Variants in GUCY1A2 observed in about 807,000 individuals in gnomAD.
GUCY1A2 encodes guanylate cyclase 1 soluble subunit alpha 2.
GUCY1A2 carries 27 observed loss-of-function variants against 63.5 expected under a neutral mutation model. The ratio of observed to expected loss-of-function variants is 0.43; its 90% CI spans 0.31 to 0.59. The LOEUF (loss-of-function observed/expected upper bound fraction) is 0.59. Ranked by LOEUF, GUCY1A2 falls within the 20% of genes least tolerant of loss-of-function variation. GUCY1A2 has a pLI of 0.11. For synonymous variants in GUCY1A2, 364 were observed against 343.5 expected, an observed-to-expected ratio of 1.06 and a Z score of -0.66; for missense variants, 768 against 913.3, an observed-to-expected ratio of 0.84 and a Z score of 2.05.
intron 5 of GUCY1A2, among the ~76,000 whole-genome samples, chr11:106,789,452 G>C (rs571975877): frequency 6.6e-6 from 1 of 152,118 alleles, no homozygotes; most frequent in Non-Finnish European, 1.5e-5. Context: ...CTGTCTGAAA[G>C]GTCACATATC....
intron 6 of GUCY1A2, among the ~76,000 whole-genome samples, chr11:106,717,922 AG>A (rs1260369920): frequency 3.9e-5 from 6 of 152,180 alleles, no homozygotes; most frequent in African/African-American, 1.4e-4. Flanking sequence ...AAATTTTGAA[AG>A]CTCAAGATTC....
chr11:106,851,826 C>A (rs762850635), intron 4 of GUCY1A2, among the ~76,000 whole-genome samples: 15 of 151,768 alleles, frequency 9.9e-5, no homozygotes, highest in African/African-American at 3.6e-4. Flanking sequence ...ATTTCTTTCG[C>A]AATTAGGGTC....
chr11:107,002,177 T>A (rs1405307722), intron 1 of GUCY1A2, among the ~76,000 whole-genome samples: 1 of 152,140 alleles, frequency 6.6e-6, no homozygotes, highest in African/African-American at 2.4e-5. Context: ...TTTGATGACA[T>A]ATGTCCTATT....
chr11:106,911,698 AT>A (rs749668839), intron 4 of GUCY1A2, among the ~76,000 whole-genome samples: 2 of 152,072 alleles, frequency 1.3e-5, no homozygotes, highest in Non-Finnish European at 2.9e-5. Context: ...GAAGAACCTT[AT>A]TTTTGTGTGT....
chr11:106,836,298 T>C (rs1003836166), intron 4 of GUCY1A2, among the ~76,000 whole-genome samples: 3 of 151,990 alleles, frequency 2.0e-5, no homozygotes, highest in African/African-American at 4.8e-5. Context: ...TTGTATTTTA[T>C]ATTATGTATT....
At chr11:106,853,845 G>A (rs1036663966) in intron 4 of GUCY1A2, among the ~76,000 whole-genome samples, 4 of 152,106 alleles carry the variant, frequency 2.6e-5, no homozygotes, top group African/African-American at 9.7e-5. Context: ...TGTTCAGTAG[G>A]GTGTTTTGGC....
At chr11:106,759,699 C>T (rs1259040049) in intron 6 of GUCY1A2, among the ~76,000 whole-genome samples, 1 of 152,124 alleles carries the variant, frequency 6.6e-6, no homozygotes, top group Non-Finnish European at 1.5e-5. Flanking sequence ...TTTGGGAGGC[C>T]GAGGTGGGCA....
At chr11:106,881,525 A>C (rs2135471726) in intron 4 of GUCY1A2, among the ~76,000 whole-genome samples, 1 of 152,144 alleles carries the variant, frequency 6.6e-6, no homozygotes, top group South Asian at 2.1e-4. Context: ...TACATATGAA[A>C]GTCTGCCTTA....
At chr11:106,924,647 G>A (rs528879986) in intron 4 of GUCY1A2, among the ~76,000 whole-genome samples, 9 of 152,208 alleles carry the variant, frequency 5.9e-5, no homozygotes, top group Non-Finnish European at 7.4e-5. Context: ...TATTTGCAAC[G>A]GGAGTCAAAT....
rs1862487106 is a variant in GUCY1A2 at position 106,684,417 on chromosome 11, C to T, written c.*3132G>A. On this transcript the variant is annotated 3_prime_UTR_variant, in exon 8 of 8. Transcript: ENST00000526355. ...GTTATATAGACAAGAGATCCAACTA[C>T]TATGTTTCTGAAGCATATTATTATT... 1 of 192,078 alleles carries T rather than the reference C, an allele frequency of 5.2e-6. No individual in the cohort carries two copies. Among genetic ancestry groups the T allele is most frequent in the South Asian group, 1.9e-4 (1 of 5,162 alleles). 11.9% of individuals were successfully genotyped at this position (192,078 alleles called of 1,614,324 possible).
intron 6 of GUCY1A2, among the ~76,000 whole-genome samples, chr11:106,713,928 G>A (rs1863170425): frequency 6.6e-6 from 1 of 151,714 alleles, no homozygotes; most frequent in African/African-American, 2.4e-5. Context: ...GTCCGTTTGA[G>A]ATTCTAATTA....
intron 4 of GUCY1A2, among the ~76,000 whole-genome samples, chr11:106,902,710 AT>A (rs994511062): frequency 6.6e-6 from 1 of 152,182 alleles, no homozygotes; most frequent in Non-Finnish European, 1.5e-5. Context: ...GTCTGAAAAT[AT>A]TTTTTAAAAA....
Position 106,939,829 on chromosome 11 carries a change from A to G in GUCY1A2, c.837T>C (p.Asp279=). Residue 279 remains aspartate (D), a synonymous_variant, in exon 4 of 8, where the codon GAT becomes GAC. Coordinates refer to ENST00000526355, the MANE Select transcript of GUCY1A2 (RefSeq NM_000855.3). The part of the protein sequence containing the change: ...EQVANEKLCS[D]VSNPGNCSCL... ...AGCTACAATTGCCTGGGTTTGAAACATCAGAGCATAGCTTCTCATTTGCAA... is the reference window on the plus strand; with the variant it reads ...AGCTACAATTGCCTGGGTTTGAAACGTCAGAGCATAGCTTCTCATTTGCAA... 6.2e-7 allele frequency: 1 copy of G among 1,613,828 alleles called. No homozygotes were observed.
At chr11:106,922,396 A>C (rs72990360) in intron 4 of GUCY1A2, among the ~76,000 whole-genome samples, 1 of 151,730 alleles carries the variant, frequency 6.6e-6, no homozygotes, top group Non-Finnish European at 1.5e-5. Flanking sequence ...GATGGATAGG[A>C]TATAATTCAT....
intron 6 of GUCY1A2, among the ~76,000 whole-genome samples, chr11:106,733,755 C>T (rs761908425): frequency 2.2e-4 from 33 of 152,062 alleles, no homozygotes; most frequent in Admixed American, 1.8e-3. Context: ...ACAGGGAATA[C>T]AGCCCTCAAC....
rs965093350 is a variant in GUCY1A2 at position 106,825,997 on chromosome 11, G to A, written c.1207-15519C>T. Among the ~76,000 whole-genome samples the A allele has an allele frequency of 4.6e-5, 7 of 151,960 alleles. No individual in the cohort carries two copies. In the South Asian group the frequency reaches 6.2e-4, roughly 13 times the overall value. ...TCTCTATTTAAAGTAAAATACAACC[G>A]ATTTTAAAGTTCCTGAAACCACAGC... On this transcript the variant is annotated intron_variant, in intron 4 of 7. Transcript: ENST00000526355.
chr11:106,868,617 A>C (rs1859628695), intron 4 of GUCY1A2, among the ~76,000 whole-genome samples: 1 of 152,190 alleles, frequency 6.6e-6, no homozygotes, highest in Non-Finnish European at 1.5e-5. Flanking sequence ...GGACACAAAC[A>C]AATGGAAGAA....
intron 4 of GUCY1A2, among the ~76,000 whole-genome samples, chr11:106,852,680 A>C (rs1052783793): frequency 4.6e-5 from 7 of 152,094 alleles, no homozygotes; most frequent in African/African-American, 1.7e-4. Context: ...GTAAATGATC[A>C]TTTTGATGTG....
chr11:107,004,013 T>C (rs570027994), intron 1 of GUCY1A2, among the ~76,000 whole-genome samples: 1 of 152,306 alleles, frequency 6.6e-6, no homozygotes, highest in Non-Finnish European at 1.5e-5. Context: ...AGCTTTCTTA[T>C]CACATGGTGA....
Sources: allele counts gnomAD v4.1 joint callset (sites outside exome capture counted in the v4.1 genomes callset), GRCh38; gene constraint gnomAD v4.1.1; transcripts MANE v1.5; gene names NCBI Gene and HGNC (gene_info 2026-07-23, HGNC 2026-07-21).